The following VSTM2B variants were observed in gnomAD, a reference collection of about 807,000 sequenced individuals.
VSTM2B encodes V-set and transmembrane domain-containing protein 2B.
A neutral mutation model predicts 24.0 loss-of-function variants in VSTM2B; 24 were observed. That is an observed-to-expected ratio of 1.00 (90% CI 0.72 to 1.40). The LOEUF (loss-of-function observed/expected upper bound fraction) is 1.40, where lower values mean the gene tolerates loss of function less well. Ranked by LOEUF, VSTM2B falls within the 40% of genes most tolerant of loss-of-function variation. VSTM2B has a pLI of 0.00. For missense variants in VSTM2B, 399 were observed against 416.4 expected (o/e 0.96, Z 0.36); for synonymous variants, 226 against 194.4 (o/e 1.16, Z -1.35).
chr19:29,540,333 C>T (rs1417771269), intron 4 of VSTM2B, among the ~76,000 whole-genome samples: 3 of 152,212 alleles, frequency 2.0e-5, no homozygotes, highest in Admixed American at 6.5e-5. Flanking sequence ...GGGCTCAGCT[C>T]AGGCACAAGA....
At chr19:29,528,499 C>CTA in intron 3 of VSTM2B, 37 bp downstream of exon 3, 1 of 1,550,254 alleles carries the variant, frequency 6.5e-7, no homozygotes, top group Non-Finnish European at 8.7e-7. Context: ...CGGGAGACCC[C>CTA]TTCTGGCCGC....
At chr19:29,562,633 C>T (rs1599914357) in intron 4 of VSTM2B, among the ~76,000 whole-genome samples, 1 of 152,168 alleles carries the variant, frequency 6.6e-6, no homozygotes, top group East Asian at 1.9e-4. Flanking sequence ...GTAGTGACGT[C>T]CCCCGGGGGT....
Position 29,539,261 on chromosome 19 carries a change from G to GTCA in VSTM2B, c.769+8973_769+8975dup, listed in dbSNP as rs544931403. Reference sequence around the variant, plus strand: ...GGGCTCCTGGGGAAAGCTGCTCCATGTCATGCCTGGTCGTGCTTCTTTGTC... The same window carrying GTCA: ...GGGCTCCTGGGGAAAGCTGCTCCATGTCATCATGCCTGGTCGTGCTTCTTTGTC... On this transcript the variant is annotated intron_variant, in intron 4 of 4. Coordinates refer to ENST00000335523, the MANE Select transcript of VSTM2B (RefSeq NM_001146339.2). 3.3e-5 allele frequency among the ~76,000 whole-genome samples: 5 copies of GTCA among 152,270 alleles called. No homozygotes were observed. The East Asian group carries it at 9.7e-4, about 29-fold the overall frequency.
In VSTM2B at chr19:29,563,836, T is replaced by C. The variant is rs1215936331; in HGVS notation, c.770-10T>C. 2.6e-6 allele frequency: 4 copies of C among 1,551,912 alleles called. No individual in the cohort carries two copies. The highest frequency in any genetic ancestry group is 1.4e-5 in the African/African-American group (1 of 73,154). Reference sequence around the variant, plus strand: ...GGTGTTAACCTTGCCTGTTTTCTCATCCCCTGCAGGCACCGGCCGTAGCTA... The same window carrying C: ...GGTGTTAACCTTGCCTGTTTTCTCACCCCCTGCAGGCACCGGCCGTAGCTA... On this transcript the variant is annotated splice_polypyrimidine_tract_variant and intron_variant, in intron 4 of 4. Coordinates refer to ENST00000335523, the MANE Select transcript of VSTM2B (RefSeq NM_001146339.2).
intron 4 of VSTM2B, among the ~76,000 whole-genome samples, chr19:29,553,544 C>T (rs1223776617): frequency 6.6e-6 from 1 of 152,212 alleles, no homozygotes; most frequent in Non-Finnish European, 1.5e-5. Flanking sequence ...CAGAGTGCCT[C>T]TTCTCCTCCA....
chr19:29,555,268 C>G (rs76681442), intron 4 of VSTM2B, among the ~76,000 whole-genome samples: 1 of 152,134 alleles, frequency 6.6e-6, no homozygotes, highest in Non-Finnish European at 1.5e-5. Flanking sequence ...CAAAACCACA[C>G]GACCATATGA....
In VSTM2B at chr19:29,526,790, C is replaced by A; in HGVS notation, c.82+125C>A. The A allele has an allele frequency of 1.1e-6, 1 of 915,332 alleles. No homozygotes were observed. Among genetic ancestry groups the A allele is most frequent in the Non-Finnish European group, 1.6e-6 (1 of 625,150 alleles). 56.7% of individuals were successfully genotyped at this position (915,332 alleles called of 1,614,324 possible). On this transcript the variant is annotated intron_variant, in intron 1 of 4. Transcript: ENST00000335523. The surrounding 1 kb of genome is among the most constrained non-coding windows in gnomAD (Gnocchi z 4.1). ...GGTCTCCAGCAATCCCGCTGTGCAG[C>A]CTGGGCCCGGAGGGGTAGGGAGAGG...
chr19:29,542,818 G>A (rs1199015813), intron 4 of VSTM2B, among the ~76,000 whole-genome samples: 2 of 152,114 alleles, frequency 1.3e-5, no homozygotes, highest in East Asian at 3.8e-4. Flanking sequence ...CCTAAGGTTG[G>A]AGTTTCCAGC....
intron 4 of VSTM2B, among the ~76,000 whole-genome samples, chr19:29,547,541 T>A (rs1369727871): frequency 6.6e-6 from 1 of 152,178 alleles, no homozygotes; most frequent in Non-Finnish European, 1.5e-5. Flanking sequence ...GCAATTGCCA[T>A]GTCCTGGTTT....
chr19:29,541,752 G>A (rs2145485820), intron 4 of VSTM2B, among the ~76,000 whole-genome samples: 1 of 151,904 alleles, frequency 6.6e-6, no homozygotes, highest in East Asian at 1.9e-4. Context: ...GTAGATGGGT[G>A]GATGGTGGGA....
At chr19:29,563,712 T>G in intron 4 of VSTM2B, 134 bp from the exon 5 acceptor site, 1 of 693,378 alleles carries the variant, frequency 1.4e-6, no homozygotes, top group Non-Finnish European at 2.5e-6. Context: ...GCAGCCACTA[T>G]GCACCAGCCT....
At chr19:29,534,400 G>A (rs953456650) in intron 4 of VSTM2B, among the ~76,000 whole-genome samples, 1 of 152,194 alleles carries the variant, frequency 6.6e-6, no homozygotes, top group African/African-American at 2.4e-5. Context: ...GAGAAGGGTG[G>A]GCTGAGGACC....
chr19:29,527,155 G>A, intron 1 of VSTM2B, 56 bp from the exon 2 acceptor site: 2 of 1,464,110 alleles, frequency 1.4e-6, no homozygotes, highest in Non-Finnish European at 1.8e-6. Context: ...GCTTTAGGTT[G>A]CCCCAGGCCC....
At position 29,529,964 on chromosome 19, in the gene VSTM2B, T is replaced by A. The variant is rs1462519303; in HGVS notation, c.443T>A (p.Val148Glu). 4 of 1,547,992 alleles carry A rather than the reference T, an allele frequency of 2.6e-6. No homozygotes were observed. The highest frequency in any genetic ancestry group is 1.2e-5 in the South Asian group (1 of 84,004). The part of the protein sequence containing the change: ...QEHKAQAMLR[V>E]LSRFAPPNMQ... ...CACAAGGCCCAGGCGATGCTGCGCG[T>A]GCTCTCGCGCTTCGCGCCGCCCAAC... The change falls in exon 4 of 5, where the codon GTG becomes GAG. Residue 148 changes from valine to glutamate, a missense_variant. Val to Glu is a moderately radical substitution (Grantham distance 121). Coordinates refer to ENST00000335523, the MANE Select transcript of VSTM2B (RefSeq NM_001146339.2).
chr19:29,528,525 T>A, intron 3 of VSTM2B, 63 bp downstream of exon 3: 1 of 1,543,716 alleles, frequency 6.5e-7, no homozygotes, highest in Non-Finnish European at 8.8e-7. Flanking sequence ...GTCCCGCAGC[T>A]CCCTCCCTTA....
intron 4 of VSTM2B, among the ~76,000 whole-genome samples, chr19:29,562,722 A>G: frequency 6.6e-6 from 1 of 152,194 alleles, no homozygotes; most frequent in East Asian, 1.9e-4. Flanking sequence ...CCCACTTTCC[A>G]GGTGAGAAGC....
intron 4 of VSTM2B, among the ~76,000 whole-genome samples, chr19:29,538,736 G>A (rs1969954058): frequency 6.6e-6 from 1 of 152,108 alleles, no homozygotes; most frequent in South Asian, 2.1e-4. Context: ...GAGGAAGCAA[G>A]AGAGAGAGGG....
chr19:29,535,566 A>C (rs1362236773), intron 4 of VSTM2B, among the ~76,000 whole-genome samples: 1 of 152,166 alleles, frequency 6.6e-6, no homozygotes, highest in Non-Finnish European at 1.5e-5. Context: ...AGCCAAGGCC[A>C]TGGGTATGAT....
intron 4 of VSTM2B, among the ~76,000 whole-genome samples, chr19:29,558,294 CAG>C (rs1401249729): frequency 6.6e-6 from 1 of 152,158 alleles, no homozygotes; most frequent in Admixed American, 6.6e-5. Flanking sequence ...TTTTGGGAAA[CAG>C]TGTGGTGATT....
Sources: gnomAD v4.1 joint callset for allele counts (sites outside exome capture counted in the v4.1 genomes callset) on GRCh38, gnomAD v4.1.1 for gene constraint, Gnocchi (gnomAD v3.1) non-coding constraint, MANE v1.5 for transcripts, NCBI Gene and HGNC (gene_info 2026-07-23, HGNC 2026-07-21) for gene names.